The following PTCHD4 variants were observed in gnomAD, a reference collection of about 807,000 sequenced individuals.
The protein encoded by PTCHD4 is patched domain-containing protein 4.
A neutral mutation model predicts 58.1 loss-of-function variants in PTCHD4; 33 were observed. The ratio of observed to expected loss-of-function variants is 0.57; its 90% CI spans 0.43 to 0.76. PTCHD4 has a LOEUF of 0.76. Ranked by LOEUF, PTCHD4 falls within the 30% of genes least tolerant of loss-of-function variation. The pLI, the probability that PTCHD4 is intolerant of heterozygous loss-of-function variation, is 0.00. For synonymous variants in PTCHD4, 478 were observed against 409.6 expected, an observed-to-expected ratio of 1.17 and a Z score of -2.02; for missense variants, 1,058 against 1,027.1, an observed-to-expected ratio of 1.03 and a Z score of -0.41.
chr6:47,962,560 G>T (rs1034460198), intron 4 of PTCHD4, among the ~76,000 whole-genome samples: 2 of 152,062 alleles, frequency 1.3e-5, no homozygotes, highest in African/African-American at 4.8e-5. Context: ...TGAGAATCTC[G>T]TGAGGTTATA....
At chr6:47,892,458 A>G (rs1259893243) in intron 4 of PTCHD4, among the ~76,000 whole-genome samples, 3 of 152,208 alleles carry the variant, frequency 2.0e-5, no homozygotes, top group Non-Finnish European at 1.5e-5. Context: ...TTAAAGTTTA[A>G]TAACTTCTTT....
intron 4 of PTCHD4, among the ~76,000 whole-genome samples, chr6:47,895,056 A>T (rs537428315): frequency 1.6e-4 from 24 of 152,036 alleles, no homozygotes; most frequent in Non-Finnish European, 3.4e-4. Context: ...AATCGCTTGA[A>T]CCCATGAGAT....
intron 4 of PTCHD4, among the ~76,000 whole-genome samples, chr6:47,885,008 C>T (rs756946056): frequency 5.9e-5 from 9 of 152,110 alleles, no homozygotes; most frequent in Admixed American, 3.9e-4. Flanking sequence ...ATACTATTGT[C>T]CACAGTATAT....
intron 3 of PTCHD4, among the ~76,000 whole-genome samples, chr6:48,052,716 A>G (rs908887885): frequency 6.6e-6 from 1 of 152,058 alleles, no homozygotes; most frequent in Non-Finnish European, 1.5e-5. Context: ...TCTGTCAAAG[A>G]CAGAGTATTT....
At chr6:47,910,020 T>A (rs1429241351) in intron 4 of PTCHD4, among the ~76,000 whole-genome samples, 1 of 152,172 alleles carries the variant, frequency 6.6e-6, no homozygotes, top group East Asian at 1.9e-4. Context: ...AATAACTGAT[T>A]AATATTTACA....
chr6:48,012,157 T>A (rs924889310), intron 3 of PTCHD4, among the ~76,000 whole-genome samples: 5 of 152,232 alleles, frequency 3.3e-5, no homozygotes, highest in African/African-American at 9.6e-5. Context: ...TAAATTACTT[T>A]GGGCAGTTTG....
At chr6:48,009,881 G>T (rs1321929938) in intron 3 of PTCHD4, among the ~76,000 whole-genome samples, 1 of 152,126 alleles carries the variant, frequency 6.6e-6, no homozygotes, top group Non-Finnish European at 1.5e-5. Flanking sequence ...CATTTTCAGA[G>T]TTTGACATGA....
chr6:47,996,925 G>A (rs1431356547), intron 4 of PTCHD4, among the ~76,000 whole-genome samples: 2 of 152,186 alleles, frequency 1.3e-5, no homozygotes, highest in Non-Finnish European at 2.9e-5. Context: ...TATCTTTGCT[G>A]TGAGCTAGTA....
At chr6:48,071,752 A>G (rs1392849060) in intron 1 of PTCHD4, among the ~76,000 whole-genome samples, 1 of 152,154 alleles carries the variant, frequency 6.6e-6, no homozygotes, top group South Asian at 2.1e-4. Context: ...CCTATCCTGG[A>G]TACCACATTG....
At chr6:47,928,230 AT>A (rs956972196) in intron 4 of PTCHD4, among the ~76,000 whole-genome samples, 55 of 152,226 alleles carry the variant, frequency 3.6e-4, no homozygotes, top group African/African-American at 1.1e-3. Context: ...TATCTAAATA[AT>A]TTTGAAAGGA....
At chr6:47,999,587 C>T (rs1185483499) in intron 4 of PTCHD4, among the ~76,000 whole-genome samples, 1 of 152,136 alleles carries the variant, frequency 6.6e-6, no homozygotes, top group Non-Finnish European at 1.5e-5. Context: ...CCACTATATC[C>T]TAAACACTGT....
In PTCHD4 at chr6:48,038,643, C is replaced by T. The variant is rs371326988; in HGVS notation, c.418-29529G>A. On this transcript the variant is annotated intron_variant, in intron 3 of 4. Transcript: ENST00000339488. ...TCATGGCACTGCATTCCAGCCTGGGCGACAAGAGTAAGTCTGTCTCAAAAA... is the reference window on the plus strand; with the variant it reads ...TCATGGCACTGCATTCCAGCCTGGGTGACAAGAGTAAGTCTGTCTCAAAAA... Among the ~76,000 whole-genome samples the T allele has an allele frequency of 1.5e-3, 192 of 129,272 alleles. 4 individuals are homozygous for T. The South Asian group carries it at 0.043, about 29-fold the overall frequency. 84.8% of individuals were successfully genotyped at this position (129,272 alleles called of 152,430 possible).
intron 1 of PTCHD4, among the ~76,000 whole-genome samples, 32 bp downstream of exon 1, chr6:48,111,017 A>G (rs1765864418): frequency 6.6e-6 from 1 of 151,720 alleles, no homozygotes; most frequent in Non-Finnish European, 1.5e-5. Flanking sequence ...TCCTGCTCTT[A>G]TTGCTTGGAG....
Position 47,941,585 on chromosome 6 carries a change from T to C in PTCHD4, c.899-61649A>G, listed in dbSNP as rs563292502. On this transcript the variant is annotated intron_variant, in intron 4 of 4. Coordinates refer to ENST00000339488, the MANE Select transcript of PTCHD4 (RefSeq NM_001384253.1). ...GAGGCAGAGCCATAAAGTAGCAAAATTGATGCCATCTAGAAAGATGCAAAA... is the reference window on the plus strand; with the variant it reads ...GAGGCAGAGCCATAAAGTAGCAAAACTGATGCCATCTAGAAAGATGCAAAA... Among the ~76,000 whole-genome samples the C allele has an allele frequency of 1.2e-4, 18 of 152,222 alleles. No homozygotes were observed. The East Asian group carries it at 3.3e-3, about 28-fold the overall frequency.
chr6:48,043,063 T>C (rs1385723530), intron 3 of PTCHD4, among the ~76,000 whole-genome samples: 4 of 151,904 alleles, frequency 2.6e-5, no homozygotes, highest in African/African-American at 7.2e-5. Flanking sequence ...GGTGACTATG[T>C]TGATAATACT....
At position 47,872,337 on chromosome 6, in the gene PTCHD4, C is replaced by T. The variant is rs1452228768; in HGVS notation, c.*5966G>A. On this transcript the variant is annotated 3_prime_UTR_variant, in exon 5 of 5. Coordinates refer to ENST00000339488, the MANE Select transcript of PTCHD4 (RefSeq NM_001384253.1). ...CCAAAGCATTAGAATTTTTTTCCCC[C>T]TCTGGTTTGACAGAGCCTTGTGGGC... 1.3e-5 allele frequency among the ~76,000 whole-genome samples: 2 copies of T among 151,620 alleles called. No homozygotes were observed. Among genetic ancestry groups the T allele is most frequent in the Non-Finnish European group, 3.0e-5 (2 of 67,736 alleles).
rs781472550 is a variant in PTCHD4 at position 47,875,924 on chromosome 6, C to T, written c.*2379G>A. Among the ~76,000 whole-genome samples the T allele has an allele frequency of 1.3e-5, 2 of 151,778 alleles. No homozygotes were observed. The highest frequency in any genetic ancestry group is 2.9e-5 in the Non-Finnish European group (2 of 67,880). On this transcript the variant is annotated 3_prime_UTR_variant, in exon 5 of 5. Transcript: ENST00000339488. ...ATAGGTGAATGAGTGGAGCATGGCA[C>T]ACAATGGGAAGAAAAGGAGTGATAG... is the stretch of plus-strand genomic sequence containing the variant.
intron 4 of PTCHD4, among the ~76,000 whole-genome samples, chr6:47,889,674 C>T (rs1764316088): frequency 6.6e-6 from 1 of 151,132 alleles, no homozygotes; most frequent in Admixed American, 6.6e-5. Flanking sequence ...AAACTGGATC[C>T]CTTCCTTACA....
chr6:47,982,709 C>G (rs910611393), intron 4 of PTCHD4, among the ~76,000 whole-genome samples: 2 of 152,014 alleles, frequency 1.3e-5, no homozygotes, highest in East Asian at 3.9e-4. Context: ...GGATGGTCTC[C>G]ATCTCCTGAC....
Sources: allele counts gnomAD v4.1 joint callset (sites outside exome capture counted in the v4.1 genomes callset), GRCh38; gene constraint gnomAD v4.1.1; transcripts MANE v1.5; gene names NCBI Gene and HGNC (gene_info 2026-07-23, HGNC 2026-07-21).